Variants in SLC24A2 observed in about 807,000 individuals in gnomAD.
SLC24A2 encodes sodium/potassium/calcium exchanger 2.
In SLC24A2, 36 loss-of-function variants were observed where a neutral mutation model predicts 62.0. The ratio of observed to expected loss-of-function variants is 0.58; its 90% CI spans 0.44 to 0.77. The LOEUF (loss-of-function observed/expected upper bound fraction) is 0.77. Among genes scored for constraint, SLC24A2 ranks in the 30% least tolerant of loss-of-function variants. The probability of loss-of-function intolerance (pLI) is 0.00; values close to 1 mark genes in which losing one functional copy is unlikely to be tolerated. For synonymous variants in SLC24A2, 358 were observed against 294.0 expected, an observed-to-expected ratio of 1.22 and a Z score of -2.23; for missense variants, 846 against 817.9, an observed-to-expected ratio of 1.03 and a Z score of -0.42.
chr9:19,807,949 C>A, the SLC24A2 span, among the ~76,000 whole-genome samples: 1 of 152,212 alleles, frequency 6.6e-6, no homozygotes, highest in Non-Finnish European at 1.5e-5. Flanking sequence ...TAAGTCATCC[C>A]TTCTAAATGG....
At chr9:19,897,212 C>A in the SLC24A2 span, among the ~76,000 whole-genome samples, 3 of 152,146 alleles carry the variant, frequency 2.0e-5, no homozygotes, top group African/African-American at 7.2e-5. Context: ...CTCTTATCTA[C>A]CTTTTTGCTT....
At chr9:19,894,393 G>A in the SLC24A2 span, among the ~76,000 whole-genome samples, 4 of 152,102 alleles carry the variant, frequency 2.6e-5, no homozygotes, top group East Asian at 1.9e-4. Context: ...TTTTGAATAC[G>A]TTTATATATT....
At chr9:19,918,398 A>AAT in the SLC24A2 span, among the ~76,000 whole-genome samples, 1 of 151,116 alleles carries the variant, frequency 6.6e-6, no homozygotes, top group Admixed American at 6.6e-5. Flanking sequence ...TTTATCAAAA[A>AAT]AAAAAAAAAA....
chr9:20,242,372 T>A, the SLC24A2 span, among the ~76,000 whole-genome samples: 1 of 152,328 alleles, frequency 6.6e-6, no homozygotes, highest in African/African-American at 2.4e-5. Flanking sequence ...GGTTAGTGGG[T>A]TGATTTTATC....
intron 8 of SLC24A2, among the ~76,000 whole-genome samples, chr9:19,531,319 A>T (rs544887150): frequency 2.0e-5 from 3 of 152,190 alleles, no homozygotes; most frequent in Non-Finnish European, 4.4e-5. Context: ...CTGTACAGTC[A>T]TTTAGTTACC....
At chr9:19,545,605 C>G (rs997833207) in intron 8 of SLC24A2, among the ~76,000 whole-genome samples, 1 of 151,750 alleles carries the variant, frequency 6.6e-6, no homozygotes, top group Non-Finnish European at 1.5e-5. Context: ...CGGATGGGGT[C>G]TCTGAGTAGA....
chr9:19,839,636 G>A, the SLC24A2 span, among the ~76,000 whole-genome samples: 1 of 152,124 alleles, frequency 6.6e-6, no homozygotes, highest in Non-Finnish European at 1.5e-5. Context: ...TGAAAGTGAC[G>A]GAGGAAGATC....
chr9:20,192,006 C>G, the SLC24A2 span, among the ~76,000 whole-genome samples: 1 of 152,202 alleles, frequency 6.6e-6, no homozygotes, highest in Non-Finnish European at 1.5e-5. Context: ...CCAACCAAAC[C>G]AAAGCAAATA....
the SLC24A2 span, among the ~76,000 whole-genome samples, chr9:20,128,260 T>G: frequency 2.0e-5 from 3 of 152,216 alleles, no homozygotes; most frequent in South Asian, 6.2e-4. Flanking sequence ...TTTTTAGGAT[T>G]CTGAATGGAC....
chr9:20,213,438 A>G, the SLC24A2 span, among the ~76,000 whole-genome samples: 3 of 152,136 alleles, frequency 2.0e-5, no homozygotes, highest in Admixed American at 6.5e-5. Flanking sequence ...AAAATTTTTA[A>G]GAAAAACTGA....
At chr9:20,044,613 C>G in the SLC24A2 span, among the ~76,000 whole-genome samples, 1 of 150,592 alleles carries the variant, frequency 6.6e-6, no homozygotes, top group East Asian at 2.0e-4. Flanking sequence ...CATATTTTAT[C>G]TCATCTAATC....
At chr9:19,706,807 A>G (rs1047349147) in intron 2 of SLC24A2, among the ~76,000 whole-genome samples, 4 of 152,162 alleles carry the variant, frequency 2.6e-5, no homozygotes, top group Admixed American at 6.5e-5. Flanking sequence ...AAAGCAGGAA[A>G]GATCCAAAAT....
chr9:20,254,100 C>T, the SLC24A2 span, among the ~76,000 whole-genome samples: 5 of 152,126 alleles, frequency 3.3e-5, no homozygotes, highest in Admixed American at 6.5e-5. Flanking sequence ...AGAATTCAGA[C>T]CTGCTTTCAA....
chr9:19,581,968 T>A (rs909001960), intron 5 of SLC24A2, among the ~76,000 whole-genome samples: 2 of 152,216 alleles, frequency 1.3e-5, no homozygotes, highest in Non-Finnish European at 2.9e-5. Context: ...CAGATATTTG[T>A]ATAGTTAAAA....
the SLC24A2 span, among the ~76,000 whole-genome samples, chr9:20,221,866 A>G: frequency 1.1e-4 from 16 of 152,246 alleles, no homozygotes; most frequent in Non-Finnish European, 2.1e-4. Context: ...TCTACCCAGC[A>G]AAGACTTTGA....
chr9:20,227,126 C>A, the SLC24A2 span, among the ~76,000 whole-genome samples: 24 of 152,088 alleles, frequency 1.6e-4, no homozygotes, highest in Non-Finnish European at 1.6e-4. Context: ...CTCTGAATGG[C>A]CTTGACAGGT....
At chr9:19,918,268 C>T in the SLC24A2 span, among the ~76,000 whole-genome samples, 3 of 150,870 alleles carry the variant, frequency 2.0e-5, no homozygotes, top group African/African-American at 7.3e-5. Context: ...TAAGTTGGTG[C>T]TGAATTTTAT....
chr9:19,531,052 TAAA>T (rs779372426), intron 8 of SLC24A2, among the ~76,000 whole-genome samples: 1 of 152,014 alleles, frequency 6.6e-6, no homozygotes, highest in African/African-American at 2.4e-5. Context: ...GTCAGAAAAT[TAAA>T]AAAAGCATCA....
the SLC24A2 span, among the ~76,000 whole-genome samples, chr9:20,177,366 A>G: frequency 9.2e-5 from 14 of 152,126 alleles, no homozygotes; most frequent in Non-Finnish European, 1.6e-4. Flanking sequence ...AGAAAGAAAT[A>G]TCCTTTTCCT....
Sources: gnomAD v4.1 joint callset for allele counts (sites outside exome capture counted in the v4.1 genomes callset) on GRCh38, gnomAD v4.1.1 for gene constraint, MANE v1.5 for transcripts, NCBI Gene and HGNC (gene_info 2026-07-23, HGNC 2026-07-21) for gene names.